SRD5A1: variants seen among roughly 807,000 people sequenced by gnomAD.
The protein encoded by SRD5A1 is steroid 5 alpha-reductase 1, also known as 3-oxo-5-alpha-steroid 4-dehydrogenase 1.
SRD5A1 carries 22 observed loss-of-function variants against 28.2 expected under a neutral mutation model. That is an observed-to-expected ratio of 0.78 (90% confidence interval 0.56 to 1.12). SRD5A1 has a LOEUF of 1.12. Ranked by LOEUF, SRD5A1 falls within the 50% of genes most tolerant of loss-of-function variation. SRD5A1 has a pLI of 0.00. For synonymous variants in SRD5A1, 151 were observed against 135.0 expected, an observed-to-expected ratio of 1.12 and a Z score of -0.82; for missense variants, 300 against 346.7, an observed-to-expected ratio of 0.87 and a Z score of 1.07.
rs573416409 is a variant in SRD5A1, at chr5:6,642,299, A to G, written c.293+8430A>G. On this transcript the variant is annotated intron_variant, in intron 1 of 4. Transcript: ENST00000274192. ...CATCAGTCCACATGTATATGATTTT[A>G]ATTGAGCATGATCATCACTTGGAAG... is the stretch of plus-strand genomic sequence containing the variant. Among the ~76,000 whole-genome samples the G allele has an allele frequency of 3.9e-5, 6 of 152,328 alleles. No homozygotes were observed. In the East Asian group the frequency reaches 1.2e-3, roughly 29 times the overall value.
At chr5:6,654,225 T>A (rs1738769011) in intron 2 of SRD5A1, among the ~76,000 whole-genome samples, 2 of 151,848 alleles carry the variant, frequency 1.3e-5, no homozygotes, top group African/African-American at 4.8e-5. Flanking sequence ...ACTAATTTTT[T>A]TTATTTTTTT....
chr5:6,643,857 G>A (rs1300619483), intron 1 of SRD5A1, among the ~76,000 whole-genome samples: 1 of 152,220 alleles, frequency 6.6e-6, no homozygotes, highest in Admixed American at 6.5e-5. Context: ...TGCCTTAAAT[G>A]TTCTAGTTTT....
chr5:6,650,589 C>T (rs1281217375), intron 1 of SRD5A1, among the ~76,000 whole-genome samples: 2 of 151,576 alleles, frequency 1.3e-5, no homozygotes, highest in Non-Finnish European at 2.9e-5. Context: ...ACTCCTTAAA[C>T]CTTTAGTAAA....
intron 1 of SRD5A1, among the ~76,000 whole-genome samples, chr5:6,649,649 T>G (rs1483558764): frequency 1.3e-5 from 2 of 152,234 alleles, no homozygotes; most frequent in Admixed American, 6.5e-5. Context: ...CCGTTCCTCC[T>G]GGTACAGTCT....
At chr5:6,661,967 A>G (rs185782674) in intron 3 of SRD5A1, among the ~76,000 whole-genome samples, 1 of 152,332 alleles carries the variant, frequency 6.6e-6, no homozygotes, top group Admixed American at 6.5e-5. Flanking sequence ...CCACAAAGCT[A>G]CAGCCTGAGG....
intron 3 of SRD5A1, among the ~76,000 whole-genome samples, chr5:6,660,958 A>T (rs1037845578): frequency 6.6e-6 from 1 of 152,176 alleles, no homozygotes; most frequent in African/African-American, 2.4e-5. Context: ...TCAAACCATT[A>T]CATGTCATGA....
At position 6,673,629 on chromosome 5, in the gene SRD5A1, A is replaced by G. The variant is rs576895879; in HGVS notation, c.*5361A>G. On this transcript the variant is annotated 3_prime_UTR_variant, in exon 5 of 5. Transcript: ENST00000274192. The stretch of plus-strand genomic sequence containing the variant: ...ACATGTCCACACAGAAAACCTGCAC[A>G]TGAATGTTTATAGCAGCTTTACTCA... 4 of 152,366 alleles carry G rather than the reference A, an allele frequency of 2.6e-5. No homozygotes were observed. In the South Asian group the frequency reaches 8.3e-4, roughly 32 times the overall value. 9.4% of individuals were successfully genotyped at this position (152,366 alleles called of 1,614,324 possible).
intron 1 of SRD5A1, among the ~76,000 whole-genome samples, chr5:6,644,585 G>A (rs945855393): frequency 3.3e-5 from 5 of 152,130 alleles, no homozygotes; most frequent in African/African-American, 1.2e-4. Flanking sequence ...GTACTTCTCA[G>A]CTTGGTACAC....
At chr5:6,635,315 T>A (rs776157935) in intron 1 of SRD5A1, among the ~76,000 whole-genome samples, 3 of 151,538 alleles carry the variant, frequency 2.0e-5, no homozygotes, top group Non-Finnish European at 4.4e-5. Context: ...ATTGCTTTAT[T>A]TTTTTTTTGG....
Position 6,656,183 on chromosome 5 carries a change from C to T in SRD5A1, c.562+4C>T, listed in dbSNP as rs368858809. ...ACTGGATACAAAATACCAAGGGGTA[C>T]GTACAGAAAGTGAAGAATTTCTGTG... On this transcript the variant is annotated splice_donor_region_variant and intron_variant, in intron 3 of 4. Transcript: ENST00000274192. 8 of 1,608,584 alleles carry T rather than the reference C, an allele frequency of 5.0e-6. No homozygotes were observed. Among genetic ancestry groups the T allele is most frequent in the Admixed American group, 3.3e-5 (2 of 59,882 alleles).
At chr5:6,654,019 T>C (rs1419684869) in intron 2 of SRD5A1, among the ~76,000 whole-genome samples, 1 of 152,150 alleles carries the variant, frequency 6.6e-6, no homozygotes, top group Non-Finnish European at 1.5e-5. Flanking sequence ...TAATTATGCC[T>C]ACTGTAGTTA....
rs1191139442 is a variant in SRD5A1 at position 6,671,286 on chromosome 5, T to C, written c.*3018T>C. On this transcript the variant is annotated 3_prime_UTR_variant, in exon 5 of 5. Transcript: ENST00000274192. ...TGTTGAGCATTTTTTCATACTTTGT[T>C]GGCCATTTGTATATCTTCTTTTGAG... 6.6e-6 allele frequency: 1 copy of C among 152,254 alleles called. No homozygotes were observed. Among genetic ancestry groups the C allele is most frequent in the Non-Finnish European group, 1.5e-5 (1 of 68,038 alleles). The allele number at this position is 152,254 out of a possible 1,614,324, so 9.4% of individuals were successfully genotyped here.
intron 4 of SRD5A1, among the ~76,000 whole-genome samples, chr5:6,664,060 C>T (rs1207971592): frequency 6.6e-6 from 1 of 152,028 alleles, no homozygotes; most frequent in African/African-American, 2.4e-5. Flanking sequence ...TGGCGCGTGT[C>T]CCTGACAATA....
intron 1 of SRD5A1, among the ~76,000 whole-genome samples, chr5:6,641,181 A>G (rs1236888374): frequency 6.6e-6 from 1 of 152,186 alleles, no homozygotes; most frequent in East Asian, 1.9e-4. Flanking sequence ...GGACCCTGTC[A>G]TTTATGCCTG....
intron 1 of SRD5A1, among the ~76,000 whole-genome samples, chr5:6,639,339 A>G (rs1738292126): frequency 1.3e-5 from 2 of 152,214 alleles, no homozygotes; most frequent in South Asian, 4.1e-4. Flanking sequence ...CCTTTGGAGC[A>G]GGTCCCATCG....
chr5:6,663,344 G>A lies in SRD5A1; in HGVS notation c.713+378G>A, dbSNP rs7732907. On this transcript the variant is annotated intron_variant, in intron 4 of 4. Transcript: ENST00000274192. ...CTGCAGGTTGAGGAAGTCCTGAAGAGGTAGGTGAATCTCAGAGCCCAGCGA... is the reference window on the plus strand; with the variant it reads ...CTGCAGGTTGAGGAAGTCCTGAAGAAGTAGGTGAATCTCAGAGCCCAGCGA... Among the ~76,000 whole-genome samples, 615 of 152,338 alleles carry A rather than the reference G, an allele frequency of 4.0e-3. 4 individuals are homozygous for A. The highest frequency in any genetic ancestry group is 0.014 in the African/African-American group (586 of 41,578).
At chr5:6,637,282 C>T (rs8192144) in intron 1 of SRD5A1, among the ~76,000 whole-genome samples, 3,786 of 152,204 alleles carry the variant, frequency 0.025, 171 homozygotes, top group African/African-American at 0.087. Flanking sequence ...AGTGACGCCC[C>T]GCTGCATTTA....
intron 3 of SRD5A1, among the ~76,000 whole-genome samples, chr5:6,657,965 C>T (rs1420085275): frequency 6.6e-6 from 1 of 152,226 alleles, no homozygotes; most frequent in African/African-American, 2.4e-5. Context: ...GCAAAACTTA[C>T]CTGAGCAGAA....
At chr5:6,649,379 C>A (rs755434749) in intron 1 of SRD5A1, among the ~76,000 whole-genome samples, 8 of 152,178 alleles carry the variant, frequency 5.3e-5, no homozygotes, top group Non-Finnish European at 8.8e-5. Context: ...CTGCCCAGTT[C>A]GAACTTCCTG....
Sources: allele counts gnomAD v4.1 joint callset (sites outside exome capture counted in the v4.1 genomes callset), GRCh38; gene constraint gnomAD v4.1.1; transcripts MANE v1.5; gene names NCBI Gene and HGNC (gene_info 2026-07-23, HGNC 2026-07-21).